Variants in TBC1D19 observed in about 807,000 individuals in gnomAD.
TBC1D19 encodes TBC1 domain family, member 19.
In TBC1D19, 60 loss-of-function variants were observed where a neutral mutation model predicts 89.0. That is an observed-to-expected ratio of 0.67 (90% confidence interval 0.55 to 0.84). The LOEUF is 0.84. TBC1D19 is among the 40% of genes least tolerant of loss of function. The pLI is 0.00. For synonymous variants in TBC1D19, 189 were observed against 199.7 expected, an observed-to-expected ratio of 0.95 and a Z score of 0.45; for missense variants, 500 against 610.8, an observed-to-expected ratio of 0.82 and a Z score of 1.91.
At chr4:26,637,974 T>C (rs1401190201) in intron 5 of TBC1D19, among the ~76,000 whole-genome samples, 1 of 152,194 alleles carries the variant, frequency 6.6e-6, no homozygotes. Context: ...CATACTGTGA[T>C]CTTGTAATAG....
At chr4:26,584,439 AAAAACAAAAAC>A in intron 1 of TBC1D19, 147 bp downstream of exon 1, 1 of 706,932 alleles carries the variant, frequency 1.4e-6, no homozygotes, top group South Asian at 2.0e-5. Flanking sequence ...AAACAAAAAC[AAAAACAAAAAC>A]AAAAACAAAA....
chr4:26,815,216 A>C, the TBC1D19 span, among the ~76,000 whole-genome samples: 1 of 152,326 alleles, frequency 6.6e-6, no homozygotes, highest in East Asian at 1.9e-4. Context: ...ATCCAGATCA[A>C]CTTTTTGTGG....
chr4:26,622,798 T>C (rs1742144779), intron 4 of TBC1D19, among the ~76,000 whole-genome samples: 1 of 152,216 alleles, frequency 6.6e-6, no homozygotes, highest in Non-Finnish European at 1.5e-5. Flanking sequence ...GTGGTTGCAA[T>C]AGAGACCCAT....
chr4:26,602,435 C>CTTTTTTTTTTT (rs34004440), intron 1 of TBC1D19, among the ~76,000 whole-genome samples: 18 of 73,034 alleles, frequency 2.5e-4, no homozygotes, highest in African/African-American at 5.1e-4. Context: ...CTATTGTATT[C>CTTTTTTTTTTT]TTTTTTTTTT....
the TBC1D19 span, among the ~76,000 whole-genome samples, chr4:26,841,280 G>A: frequency 1.4e-4 from 21 of 151,806 alleles, no homozygotes; most frequent in Non-Finnish European, 2.8e-4. Flanking sequence ...CCAGCTACTC[G>A]GGAGGCTGAG....
chr4:26,784,184 T>C, the TBC1D19 span, among the ~76,000 whole-genome samples: 1 of 152,188 alleles, frequency 6.6e-6, no homozygotes, highest in African/African-American at 2.4e-5. Flanking sequence ...ATGAACTTGT[T>C]CACACTAAGG....
At chr4:26,801,767 G>A in the TBC1D19 span, among the ~76,000 whole-genome samples, 1 of 152,106 alleles carries the variant, frequency 6.6e-6, no homozygotes, top group Non-Finnish European at 1.5e-5. Flanking sequence ...TTCTGGACGT[G>A]AAAAGGCAAT....
intron 8 of TBC1D19, among the ~76,000 whole-genome samples, chr4:26,663,320 A>G (rs375822901): frequency 4.6e-5 from 7 of 152,188 alleles, no homozygotes; most frequent in African/African-American, 1.7e-4. Context: ...AACTTTTAAT[A>G]TGGATTTAAT....
At chr4:26,618,134 C>T (rs1741813841) in intron 3 of TBC1D19, among the ~76,000 whole-genome samples, 1 of 152,186 alleles carries the variant, frequency 6.6e-6, no homozygotes, top group Admixed American at 6.5e-5. Context: ...GTGCACAGAG[C>T]CAGGTGCTGT....
At chr4:26,595,296 G>A (rs1322270240) in intron 1 of TBC1D19, among the ~76,000 whole-genome samples, 1 of 152,042 alleles carries the variant, frequency 6.6e-6, no homozygotes, top group African/African-American at 2.4e-5. Flanking sequence ...TCTTATTGTT[G>A]AGTTTTAAGA....
intron 19 of TBC1D19, among the ~76,000 whole-genome samples, chr4:26,749,322 A>G (rs1197696367): frequency 1.3e-5 from 2 of 152,176 alleles, no homozygotes; most frequent in Non-Finnish European, 2.9e-5. Flanking sequence ...AGTTGGCAGA[A>G]TGTTTCCATA....
rs1404333305 is a variant in TBC1D19 at position 26,683,705 on chromosome 4, A to G, written c.847A>G (p.Asn283Asp). The G allele has an allele frequency of 1.2e-6, 2 of 1,613,100 alleles. No individual in the cohort carries two copies. Among genetic ancestry groups the G allele is most frequent in the South Asian group, 1.1e-5 (1 of 90,896 alleles). Residue 283 changes from asparagine (N) to aspartate (D), a missense_variant, in exon 12 of 21, where the codon AAT (asparagine) becomes GAT (aspartate). Coordinates refer to ENST00000264866, the MANE Select transcript of TBC1D19 (RefSeq NM_018317.4). ...DVLYYEQLKT[N>D]VIQHDLLVDS... ...CTTGTATTATGAGCAGCTTAAGACC[A>G]ATGTGATACAACATGACCTTTTGGT...
At chr4:26,732,796 T>C (rs547684375) in intron 15 of TBC1D19, among the ~76,000 whole-genome samples, 2 of 152,244 alleles carry the variant, frequency 1.3e-5, no homozygotes, top group African/African-American at 4.8e-5. Flanking sequence ...GAAACACGAT[T>C]TAGAGCACAG....
intron 13 of TBC1D19, among the ~76,000 whole-genome samples, chr4:26,691,370 G>C (rs1201010150): frequency 6.6e-6 from 1 of 152,202 alleles, no homozygotes; most frequent in Non-Finnish European, 1.5e-5. Context: ...CTCCAATTTT[G>C]AAAGTTCTGT....
chr4:26,664,445 C>T (rs1482341731), intron 8 of TBC1D19, among the ~76,000 whole-genome samples: 1 of 151,996 alleles, frequency 6.6e-6, no homozygotes, highest in Non-Finnish European at 1.5e-5. Context: ...AATATTAAAG[C>T]ATTTGTTGGG....
intron 10 of TBC1D19, among the ~76,000 whole-genome samples, chr4:26,672,678 T>C (rs1237514921): frequency 6.6e-6 from 1 of 152,002 alleles, no homozygotes; most frequent in Non-Finnish European, 1.5e-5. Flanking sequence ...CTTTTGAAGA[T>C]TCTTTTCCTT....
At chr4:26,807,059 A>G in the TBC1D19 span, among the ~76,000 whole-genome samples, 2 of 152,268 alleles carry the variant, frequency 1.3e-5, no homozygotes, top group South Asian at 2.1e-4. Context: ...AATAAATTGA[A>G]GACACCCCCT....
chr4:26,813,213 T>C, the TBC1D19 span, among the ~76,000 whole-genome samples: 1 of 151,894 alleles, frequency 6.6e-6, no homozygotes, highest in East Asian at 1.9e-4. Flanking sequence ...ATCACACAAC[T>C]GCACTCCAGC....
chr4:26,855,327 T>C, the TBC1D19 span, among the ~76,000 whole-genome samples: 2,543 of 152,348 alleles, frequency 0.017, 71 homozygotes, highest in African/African-American at 0.059. Context: ...TATTCTTTTT[T>C]TCTACTTTCC....
Sources: allele counts gnomAD v4.1 joint callset (sites outside exome capture counted in the v4.1 genomes callset), GRCh38; gene constraint gnomAD v4.1.1; transcripts MANE v1.5; gene names NCBI Gene and HGNC (gene_info 2026-07-23, HGNC 2026-07-21).